The following FNDC1 variants were observed in gnomAD, a reference collection of about 807,000 sequenced individuals.
FNDC1 encodes the protein fibronectin type III domain-containing protein 1.
A neutral mutation model predicts 168.0 loss-of-function variants in FNDC1; 96 were observed. The observed-to-expected ratio is 0.57, with a 90% CI of 0.48 to 0.68. FNDC1 has a LOEUF of 0.68. FNDC1 is among the 30% of genes least tolerant of loss of function. The probability of loss-of-function intolerance (pLI) is 0.00; values close to 1 mark genes in which losing one functional copy is unlikely to be tolerated. For synonymous variants in FNDC1, 1,099 were observed against 1,025.9 expected, an observed-to-expected ratio of 1.07 and a Z score of -1.36; for missense variants, 2,587 against 2,482.1, an observed-to-expected ratio of 1.04 and a Z score of -0.90.
Position 159,179,131 on chromosome 6 carries a change from C to T in FNDC1, c.109+9426C>T, listed in dbSNP as rs549899686. Among the ~76,000 whole-genome samples the T allele has an allele frequency of 9.8e-5, 15 of 152,344 alleles. No homozygotes were observed. In the South Asian group the frequency reaches 1.7e-3, roughly 17 times the overall value. On this transcript the variant is annotated intron_variant, in intron 1 of 22. Transcript: ENST00000297267. ...CCAGCCTTAGGGCTTTTGCGCTGGCCGTTCCTTTTGCCTGAGCAACCTTCC... is the reference window on the plus strand; with the variant it reads ...CCAGCCTTAGGGCTTTTGCGCTGGCTGTTCCTTTTGCCTGAGCAACCTTCC...
chr6:159,262,842 G>A (rs1368589076), intron 19 of FNDC1, among the ~76,000 whole-genome samples: 1 of 152,146 alleles, frequency 6.6e-6, no homozygotes. Context: ...CACTTTCAAT[G>A]AGCTCCCAGA....
intron 15 of FNDC1, among the ~76,000 whole-genome samples, chr6:159,248,287 A>G (rs1254294980): frequency 1.3e-5 from 2 of 151,936 alleles, no homozygotes; most frequent in East Asian, 3.9e-4. Flanking sequence ...GCCCAGAAAA[A>G]GTTCATACAT....
chr6:159,211,272 T>C (rs1208570416), intron 4 of FNDC1, among the ~76,000 whole-genome samples: 1 of 152,126 alleles, frequency 6.6e-6, no homozygotes, highest in Admixed American at 6.5e-5. Flanking sequence ...ACCAGACAAA[T>C]TGCGGCTCTT....
rs993923604 is a variant in FNDC1 at position 159,259,012 on chromosome 6, CCAGA to C, written c.5175-2173_5175-2170del. Among the ~76,000 whole-genome samples the C allele has an allele frequency of 3.3e-5, 5 of 152,140 alleles. 1 individual carries two copies. Among genetic ancestry groups the C allele is most frequent in the African/African-American group, 1.2e-4 (5 of 41,434 alleles). ...AAGTGAGCATTGTCTACCTTAGTCA[CCAGA>C]CAGAGTCCCAAAGAACTCTTCGGAG... On this transcript the variant is annotated intron_variant, in intron 18 of 22. Coordinates refer to ENST00000297267, the MANE Select transcript of FNDC1 (RefSeq NM_032532.3).
Position 159,232,568 on chromosome 6 carries a change from T to C in FNDC1, c.2056T>C (p.Ser686Pro). 6.2e-7 allele frequency: 1 copy of C among 1,610,824 alleles called. No homozygotes were observed. The highest frequency in any genetic ancestry group is 8.5e-7 in the Non-Finnish European group (1 of 1,178,344). ...SPSSVLRDRSSVHPGAKPASP... is the reference protein window; with the variant it reads ...SPSSVLRDRSPVHPGAKPASP... ...GTCCAGCGTTCTCCGCGACAGAAGCTCTGTGCACCCCGGCGCAAAGCCAGC... is the reference window on the plus strand; with the variant it reads ...GTCCAGCGTTCTCCGCGACAGAAGCCCTGTGCACCCCGGCGCAAAGCCAGC... The change falls in exon 11 of 23, where the codon TCT (serine) becomes CCT (proline). Residue 686 changes from serine (S) to proline (P), a missense_variant. Ser to Pro is a moderately conservative substitution (Grantham distance 74). Transcript: ENST00000297267. This position sits in a 1 kb window ranked among gnomAD's most constrained non-coding sequence, Gnocchi z 4.9.
intron 1 of FNDC1, among the ~76,000 whole-genome samples, chr6:159,175,390 A>G (rs1781741199): frequency 6.6e-6 from 1 of 152,162 alleles, no homozygotes; most frequent in Non-Finnish European, 1.5e-5. Context: ...TTTGCGGTCC[A>G]GATCCCACAC....
chr6:159,238,696 G>A, intron 13 of FNDC1, 31 bp downstream of exon 13: 1 of 1,399,000 alleles, frequency 7.1e-7, no homozygotes, highest in Non-Finnish European at 9.9e-7. Context: ...AAGAATAAAA[G>A]CCTACTGAAT....
intron 13 of FNDC1, 132 bp from the exon 14 acceptor site, chr6:159,239,385 C>T: frequency 1.4e-6 from 1 of 734,448 alleles, no homozygotes; most frequent in Middle Eastern, 2.9e-4. Context: ...ATGCAATATT[C>T]ATTTATCCCT....
At chr6:159,209,131 G>A (rs1204103686) in intron 4 of FNDC1, among the ~76,000 whole-genome samples, 1 of 152,202 alleles carries the variant, frequency 6.6e-6, no homozygotes, top group Non-Finnish European at 1.5e-5. Context: ...ACAGCCGTGA[G>A]CCACCATGCC....
At chr6:159,230,680 A>AG (rs1783062679) in intron 10 of FNDC1, among the ~76,000 whole-genome samples, 1 of 152,196 alleles carries the variant, frequency 6.6e-6, no homozygotes, top group African/African-American at 2.4e-5. Context: ...ACTGGAAGGG[A>AG]GTGTTTTTGG....
At chr6:159,206,739 C>A (rs1782494011) in intron 4 of FNDC1, among the ~76,000 whole-genome samples, 2 of 151,920 alleles carry the variant, frequency 1.3e-5, no homozygotes, top group Non-Finnish European at 2.9e-5. Flanking sequence ...ACTGTGAGGG[C>A]CTGGGCCAAA....
At chr6:159,191,673 A>C (rs1336170582) in intron 1 of FNDC1, among the ~76,000 whole-genome samples, 1 of 152,254 alleles carries the variant, frequency 6.6e-6, no homozygotes, top group Non-Finnish European at 1.5e-5. Flanking sequence ...TCTAAATGGT[A>C]GACTGACTGT....
Position 159,271,432 on chromosome 6 carries a change from G to A in FNDC1, c.5675G>A (p.Gly1892Glu), listed in dbSNP as rs747424234. The change falls in exon 23 of 23, where the codon GGA (glycine) becomes GAA (glutamate). Residue 1892 changes from glycine (G) to glutamate (E), a missense_variant. Physicochemically the swap from Gly to Glu is moderately conservative, Grantham distance 98. Coordinates refer to ENST00000297267, the MANE Select transcript of FNDC1 (RefSeq NM_032532.3). The part of the protein sequence containing the change: ...GWYECGVSIP[G>E]KW ...TACGAGTGTGGGGTCTCCATCCCTG[G>A]AAAGTGGTAATCACAGGACCGTCAT... The A allele has an allele frequency of 6.2e-7, 1 of 1,607,982 alleles. No individual in the cohort carries two copies. The highest frequency in any genetic ancestry group is 1.1e-5 in the South Asian group (1 of 89,518).
intron 17 of FNDC1, 55 bp downstream of exon 17, chr6:159,251,587 C>T (rs1037457503): frequency 5.2e-5 from 77 of 1,483,882 alleles, no homozygotes; most frequent in Middle Eastern, 1.7e-4. Flanking sequence ...GAAATGTGGA[C>T]AATAAAGAAT....
chr6:159,200,449 A>C, intron 3 of FNDC1, 64 bp from the exon 4 acceptor site: 1 of 1,188,686 alleles, frequency 8.4e-7, no homozygotes. Context: ...TTATGGATGC[A>C]CTGTAATGTG....
In FNDC1 at chr6:159,232,250, G is replaced by C; in HGVS notation, c.1738G>C (p.Gly580Arg). Reference protein sequence around the residue: ...SRHGHSVVAPGRTAVRARMPA... With the variant: ...SRHGHSVVAPRRTAVRARMPA... ...ACACGGCCACTCGGTGGTTGCTCCC[G>C]GCAGGACTGCAGTGAGGGCCCGGAT... The change falls in exon 11 of 23, where the codon GGC becomes CGC. Residue 580 changes from glycine (G) to arginine (R), a missense_variant. Transcript: ENST00000297267. This position sits in a 1 kb window ranked among gnomAD's most constrained non-coding sequence, Gnocchi z 4.9. 1 of 1,611,094 alleles carries C rather than the reference G, an allele frequency of 6.2e-7. No individual in the cohort carries two copies. Among genetic ancestry groups the C allele is most frequent in the Non-Finnish European group, 8.5e-7 (1 of 1,178,736 alleles).
At chr6:159,197,392 T>C in intron 1 of FNDC1, 39 bp from the exon 2 acceptor site, 1 of 1,544,898 alleles carries the variant, frequency 6.5e-7, no homozygotes, top group Non-Finnish European at 8.7e-7. Flanking sequence ...TTTCCCAATC[T>C]GTTATTGCCA....
Position 159,270,810 on chromosome 6 carries a change from G to A in FNDC1, c.5570-517G>A, listed in dbSNP as rs1164900666. 3.9e-5 allele frequency among the ~76,000 whole-genome samples: 6 copies of A among 152,306 alleles called. No individual in the cohort carries two copies. In the East Asian group the frequency reaches 9.6e-4, roughly 24 times the overall value. On this transcript the variant is annotated intron_variant, in intron 22 of 22. Coordinates refer to ENST00000297267, the MANE Select transcript of FNDC1 (RefSeq NM_032532.3). ...GGGGGCCCTGAGCTCTGTAAGAATGGGGCAGGAATCTGGCTCAATGTCATC... is the reference window on the plus strand; with the variant it reads ...GGGGGCCCTGAGCTCTGTAAGAATGAGGCAGGAATCTGGCTCAATGTCATC...
intron 4 of FNDC1, among the ~76,000 whole-genome samples, chr6:159,212,232 T>G (rs1327612569): frequency 1.3e-5 from 2 of 152,262 alleles, no homozygotes; most frequent in East Asian, 3.9e-4. Flanking sequence ...CCAGCCAAGT[T>G]TGAAGTACAT....
Sources: gnomAD v4.1 joint callset for allele counts (sites outside exome capture counted in the v4.1 genomes callset) on GRCh38, gnomAD v4.1.1 for gene constraint, Gnocchi (gnomAD v3.1) non-coding constraint, MANE v1.5 for transcripts, NCBI Gene and HGNC (gene_info 2026-07-23, HGNC 2026-07-21) for gene names.